Variants in CHRNE observed in about 807,000 individuals in gnomAD.
CHRNE encodes cholinergic receptor nicotinic epsilon subunit.
A neutral mutation model predicts 56.5 loss-of-function variants in CHRNE; 58 were observed. The ratio of observed to expected loss-of-function variants is 1.03; its 90% CI spans 0.83 to 1.28. The LOEUF is 1.28. CHRNE is among the 50% of genes most tolerant of loss of function. CHRNE has a pLI of 0.00. For synonymous variants in CHRNE, 385 were observed against 297.9 expected, an observed-to-expected ratio of 1.29 and a Z score of -3.01; for missense variants, 793 against 688.9, an observed-to-expected ratio of 1.15 and a Z score of -1.69.
rs1969963663 is a variant in CHRNE, at chr17:4,900,964, G to A, written c.802+26C>T. 9 of 1,613,974 alleles carry A rather than the reference G, an allele frequency of 5.6e-6. No individual in the cohort carries two copies. In the East Asian group the frequency reaches 6.7e-5, roughly 12 times the overall value. On this transcript the variant is annotated intron_variant, in intron 7 of 11. Transcript: ENST00000649488. The stretch of plus-strand genomic sequence containing the variant: ...CCTCCCGGGAGCGAGCCCGGGTTTG[G>A]GGGTAGGTTCGGGGCCACTGCTTAC...
intron 7 of CHRNE, 32 bp from the exon 8 acceptor site, chr17:4,900,939 C>A (rs1969962471): frequency 6.2e-7 from 1 of 1,613,880 alleles, no homozygotes; most frequent in Non-Finnish European, 8.5e-7. Flanking sequence ...GCGGGCCCCG[C>A]CTCCCGGGAG....
upstream of CHRNE, among the ~76,000 whole-genome samples, chr17:4,907,563 T>A (rs1597626398): frequency 1.8e-5 from 1 of 56,972 alleles, no homozygotes; most frequent in Admixed American, 2.3e-4. Flanking sequence ...CAAGACTCAG[T>A]CTCAAAAAAA....
In CHRNE at chr17:4,899,326, CG is replaced by C. The variant is rs1156634884; in HGVS notation, c.1090del (p.Arg364GlyfsTer21). On this transcript the variant is annotated frameshift_variant, in exon 10 of 12. Coordinates refer to ENST00000649488, the MANE Select transcript of CHRNE (RefSeq NM_000080.4). LOFTEE classifies it high-confidence loss of function. ...CGCCCGCCTTGGGGGCGAGGCGGCC[CG>C]GGGGGCCTCGGGCGGCGGCGGGGAG... is the stretch of plus-strand genomic sequence containing the variant. The part of the protein sequence containing the change: ...LGSPPPPEAP[R>X]AASPPRRASS... 5.1e-6 allele frequency: 8 copies of C among 1,557,264 alleles called. No homozygotes were observed. The highest frequency in any genetic ancestry group is 6.0e-6 in the Non-Finnish European group (7 of 1,158,656).
rs758517310 is a variant in CHRNE, at chr17:4,899,004, G to A, written c.1323C>T (p.Gly441=). ...AESTRDQEAT[G]EEVSDWVRMG... ...CCGCCTCTGGCTCCTGTCCCACCTC[G>A]CCGGTGGCCTCCTGATCTCTCGTGC... Residue 441 remains glycine (G), a synonymous_variant, in exon 11 of 12, where the codon GGC becomes GGT. Transcript: ENST00000649488. 1.1e-5 allele frequency: 17 copies of A among 1,595,670 alleles called. No individual in the cohort carries two copies. The highest frequency in any genetic ancestry group is 1.0e-4 in the South Asian group (9 of 88,010).
At position 4,902,462 on chromosome 17, in the gene CHRNE, G is replaced by A; in HGVS notation, c.222C>T (p.Val74=). 1 of 1,614,222 alleles carries A rather than the reference G, an allele frequency of 6.2e-7. No individual in the cohort carries two copies. Among genetic ancestry groups the A allele is most frequent in the Non-Finnish European group, 8.5e-7 (1 of 1,180,052 alleles). The change falls in exon 3 of 12, where the codon GTC becomes GTT. Residue 74 remains valine (V), a synonymous_variant. Transcript: ENST00000649488. The surrounding 1 kb of genome is among the most constrained non-coding windows in gnomAD (Gnocchi z 4.0). ...NEKEETLTTS[V]WIGIDWQDYR... The stretch of plus-strand genomic sequence containing the variant: ...AGATTTGACTCACGATTCCAATCCA[G>A]ACGCTAGTGGTGAGAGTCTCCTCTT...
chr17:4,901,935 A>C lies in CHRNE; in HGVS notation c.497T>G (p.Phe166Cys), dbSNP rs1385608948. The C allele has an allele frequency of 1.4e-6, 2 of 1,414,704 alleles. No individual in the cohort carries two copies. Among genetic ancestry groups the C allele is most frequent in the Admixed American group, 1.9e-5 (1 of 53,848 alleles). The allele number at this position is 1,414,704 out of a possible 1,614,324, so 87.6% of individuals were successfully genotyped here. A position where few individuals can be genotyped will look rare whatever the true frequency, so the allele number is the denominator to read the frequency against. Residue 166 changes from phenylalanine to cysteine, a missense_variant, in exon 5 of 12, where the codon TTC becomes TGC. Coordinates refer to ENST00000649488, the MANE Select transcript of CHRNE (RefSeq NM_000080.4). Reference protein sequence around the residue: ...PFDWQNCSLIFRSQTYNAEEV... With the variant: ...PFDWQNCSLICRSQTYNAEEV... Reference sequence around the variant, plus strand: ...GCCTCGGAGTAGCTCTTCCCACCGGAAAATAAGCGAACAGTTCTGCCAATC... The same window carrying C: ...GCCTCGGAGTAGCTCTTCCCACCGGCAAATAAGCGAACAGTTCTGCCAATC...
In CHRNE at chr17:4,898,513, G is replaced by A. The variant is rs910145220; in HGVS notation, c.*223C>T. The A allele has an allele frequency of 1.6e-6, 1 of 609,832 alleles. No homozygotes were observed. The highest frequency in any genetic ancestry group is 2.9e-6 in the Non-Finnish European group (1 of 346,122). 37.8% of individuals were successfully genotyped at this position (609,832 alleles called of 1,614,324 possible). On this transcript the variant is annotated 3_prime_UTR_variant, in exon 12 of 12. Coordinates refer to ENST00000649488, the MANE Select transcript of CHRNE (RefSeq NM_000080.4). ...GAAGGGCAGTCCTTGCTTTCTGGAA[G>A]ACTGGCACCTGAGAGCCTATGTGAA...
In CHRNE at chr17:4,898,616, G is replaced by C; in HGVS notation, c.*120C>G. 4.4e-6 allele frequency: 6 copies of C among 1,363,260 alleles called. No homozygotes were observed. The highest frequency in any genetic ancestry group is 5.0e-6 in the Non-Finnish European group (5 of 991,258). The allele number at this position is 1,363,260 out of a possible 1,614,324, so 84.4% of individuals were successfully genotyped here. ...AACGGGCACACACCATTCTTGTGAA[G>C]TTCACAAACTGCAGATTGATCAGCA... On this transcript the variant is annotated 3_prime_UTR_variant, in exon 12 of 12. Coordinates refer to ENST00000649488, the MANE Select transcript of CHRNE (RefSeq NM_000080.4).
At chr17:4,900,000 TG>T (rs1185779939) in intron 8 of CHRNE, 1 of 1,551,392 alleles carries the variant, frequency 6.4e-7, no homozygotes, top group South Asian at 1.2e-5. Context: ...CATGAATATC[TG>T]GAGCAGAGGT....
rs570378547 is a variant in CHRNE at position 4,898,835 on chromosome 17, G to A, written c.1383C>T (p.Ala461=). The change falls in exon 12 of 12, where the codon GCC becomes GCT. Residue 461 remains alanine, a synonymous_variant. Coordinates refer to ENST00000649488, the MANE Select transcript of CHRNE (RefSeq NM_000080.4). ...AGCCCACGCTGAAGAGCACCAGAGC[G>A]GCCCAGAAGCAGATGTTGTCAAGGG... The part of the protein sequence containing the change: ...GNALDNICFW[A]ALVLFSVGSS... 10 of 1,597,372 alleles carry A rather than the reference G, an allele frequency of 6.3e-6. No homozygotes were observed. The highest frequency in any genetic ancestry group is 5.3e-5 in the African/African-American group (4 of 74,920).
chr17:4,898,084 T>TA lies in CHRNE; in HGVS notation c.*651_*652insT, dbSNP rs1248944473. 2 of 152,492 alleles carry TA rather than the reference T, an allele frequency of 1.3e-5. No individual in the cohort carries two copies. Among genetic ancestry groups the TA allele is most frequent in the Non-Finnish European group, 2.9e-5 (2 of 68,784 alleles). The allele number at this position is 152,492 out of a possible 1,614,324, so 9.4% of individuals were successfully genotyped here. ...CCATGCAGGCCGCATGTCCTTGCTT[T>TA]CTGTCAGTACTGTAGACTAGGCAGA... is the stretch of plus-strand genomic sequence containing the variant. On this transcript the variant is annotated 3_prime_UTR_variant, in exon 12 of 12. Coordinates refer to ENST00000649488, the MANE Select transcript of CHRNE (RefSeq NM_000080.4).
chr17:4,904,014 T>C (rs920033155), upstream of CHRNE, among the ~76,000 whole-genome samples: 4 of 151,584 alleles, frequency 2.6e-5, no homozygotes, highest in Admixed American at 6.6e-5. Context: ...CATGCCACCA[T>C]GCCCGGCTAA....
Position 4,898,810 on chromosome 17 carries a change from A to T in CHRNE, c.1408T>A (p.Ser470Thr). The stretch of plus-strand genomic sequence containing the variant: ...TAGGCCCCGAGGAAGATGAGGCTGG[A>T]GCCCACGCTGAAGAGCACCAGAGCG... ...WAALVLFSVG[S>T]SLIFLGAYFN... Residue 470 changes from serine to threonine, a missense_variant, in exon 12 of 12, where the codon TCC becomes ACC. By Grantham distance (58) the Ser-to-Thr change is moderately conservative. Coordinates refer to ENST00000649488, the MANE Select transcript of CHRNE (RefSeq NM_000080.4). The T allele has an allele frequency of 6.2e-7, 1 of 1,605,300 alleles. No homozygotes were observed. The highest frequency in any genetic ancestry group is 2.2e-5 in the East Asian group (1 of 44,596).
At position 4,899,591 on chromosome 17, in the gene CHRNE, C is replaced by G; in HGVS notation, c.918-9G>C. The G allele has an allele frequency of 6.4e-7, 1 of 1,560,022 alleles. No individual in the cohort carries two copies. The highest frequency in any genetic ancestry group is 1.2e-5 in the South Asian group (1 of 85,132). On this transcript the variant is annotated splice_polypyrimidine_tract_variant and intron_variant, in intron 8 of 11. Coordinates refer to ENST00000649488, the MANE Select transcript of CHRNE (RefSeq NM_000080.4). ...TGACGAAAATAAGGAACCTGAGGAG[C>G]CCGGAAGGCATGACATCACCGTTCC... is the stretch of plus-strand genomic sequence containing the variant.
chr17:4,906,259 TGGCA>T (rs2151100773), upstream of CHRNE, among the ~76,000 whole-genome samples: 1 of 152,244 alleles, frequency 6.6e-6, no homozygotes, highest in East Asian at 1.9e-4. Flanking sequence ...ATAGTGGGTG[TGGCA>T]GGCCCTGACA....
At chr17:4,898,943 C>T (rs1332213554) in intron 11 of CHRNE, 52 bp from the exon 12 acceptor site, 1 of 1,564,404 alleles carries the variant, frequency 6.4e-7, no homozygotes, top group Admixed American at 1.9e-5. Context: ...GAGCCAGCGG[C>T]ATGGGAGACA....
intron 5 of CHRNE, 139 bp from the exon 6 acceptor site, chr17:4,901,764 G>T: frequency 8.2e-7 from 1 of 1,226,390 alleles, no homozygotes; most frequent in Non-Finnish European, 1.2e-6. Context: ...GCACGCCTCT[G>T]TTCCCATCTG....
chr17:4,900,542 G>A, intron 8 of CHRNE: 1 of 1,550,624 alleles, frequency 6.4e-7, no homozygotes, highest in Non-Finnish European at 8.7e-7. Flanking sequence ...AGGGGCCAGA[G>A]GCGGCGGGGC....
chr17:4,899,946 A>C (rs984343953), intron 8 of CHRNE: 3 of 1,550,574 alleles, frequency 1.9e-6, no homozygotes, highest in Non-Finnish European at 2.6e-6. Context: ...GTGGCCCTCC[A>C]GCCCCCGCTT....
Sources: allele counts gnomAD v4.1 joint callset (sites outside exome capture counted in the v4.1 genomes callset), GRCh38; gene constraint gnomAD v4.1.1; non-coding constraint Gnocchi (gnomAD v3.1); transcripts MANE v1.5; gene names NCBI Gene and HGNC (gene_info 2026-07-23, HGNC 2026-07-21).